KATNIP: variants seen among roughly 807,000 people sequenced by gnomAD.
KATNIP encodes the protein katanin-interacting protein.
Under a neutral mutation model 174.0 loss-of-function variants are expected in KATNIP, and 126 were observed. The observed-to-expected ratio is 0.72, with a 90% CI of 0.63 to 0.84. The LOEUF is 0.84. Among genes scored for constraint, KATNIP ranks in the 40% least tolerant of loss-of-function variants. KATNIP has a pLI of 0.00. For missense variants in KATNIP, 1,958 were observed against 2,109.7 expected, an observed-to-expected ratio of 0.93 and a Z score of 1.41; for synonymous variants, 810 against 835.7, an observed-to-expected ratio of 0.97 and a Z score of 0.53.
At chr16:27,747,603 T>A (rs1261377329) in intron 15 of KATNIP, among the ~76,000 whole-genome samples, 2 of 152,206 alleles carry the variant, frequency 1.3e-5, no homozygotes, top group Non-Finnish European at 2.9e-5. Context: ...CTTGGAAGGA[T>A]ACTGTCGGCA....
At position 27,573,899 on chromosome 16, in the gene KATNIP, A is replaced by C. The variant is rs754588335; in HGVS notation, c.8-2A>C. 1 of 1,614,162 alleles carries C rather than the reference A, an allele frequency of 6.2e-7. No homozygotes were observed. The highest frequency in any genetic ancestry group is 8.5e-7 in the Non-Finnish European group (1 of 1,179,998). On this transcript the variant is annotated splice_acceptor_variant, in intron 1 of 27. Transcript: ENST00000261588. LOFTEE classifies it high-confidence loss of function. ...CTTGGTTCTGCTTTTGAACTGCGAC[A>C]GGTCAGACTCTGCGAAAGGCCGAGA...
chr16:27,758,765 C>T (rs1482408918), intron 18 of KATNIP, among the ~76,000 whole-genome samples: 1 of 152,184 alleles, frequency 6.6e-6, no homozygotes, highest in Non-Finnish European at 1.5e-5. Context: ...CTCAGGGAGG[C>T]CCTCCCTGAC....
Position 27,721,614 on chromosome 16 carries a change from T to G in KATNIP, c.1662T>G (p.Phe554Leu). ...CCTTCCACCCACCACTCCAGCTGTT[T>G]TTTGTTATTCGAAACACAAGACAGC... The part of the protein sequence containing the change: ...TCPFHPPLQL[F>L]FVIRNTRQLG... The change falls in exon 14 of 28, where the codon TTT becomes TTG. Residue 554 changes from phenylalanine (F) to leucine (L), a missense_variant. Around this residue, in one of 3 missense-constraint regions of KATNIP, gnomAD observed 1,557 missense variants for 1,617.8 expected, o/e 0.96. Coordinates refer to ENST00000261588, the MANE Select transcript of KATNIP (RefSeq NM_015202.5). 4.3e-6 allele frequency: 7 copies of G among 1,614,208 alleles called. No homozygotes were observed. Among genetic ancestry groups the G allele is most frequent in the Non-Finnish European group, 5.9e-6 (7 of 1,180,034 alleles).
chr16:27,574,544 T>C (rs942644051), intron 2 of KATNIP, among the ~76,000 whole-genome samples: 29 of 148,488 alleles, frequency 2.0e-4, no homozygotes, highest in Admixed American at 6.1e-4. Flanking sequence ...GTGTCACTTC[T>C]ACCACTTTCT....
chr16:27,721,723 G>C (rs756561501), intron 14 of KATNIP, 28 bp downstream of exon 14: 1 of 1,610,116 alleles, frequency 6.2e-7, no homozygotes, highest in Admixed American at 1.7e-5. Flanking sequence ...GTTCCCCACT[G>C]GGCACTGGGT....
rs546380009 is a variant in KATNIP, at chr16:27,736,876, G to C, written c.1744-3165G>C. 1.4e-4 allele frequency among the ~76,000 whole-genome samples: 22 copies of C among 152,302 alleles called. No homozygotes were observed. The East Asian group carries it at 3.9e-3, about 27-fold the overall frequency. On this transcript the variant is annotated intron_variant, in intron 14 of 27. Coordinates refer to ENST00000261588, the MANE Select transcript of KATNIP (RefSeq NM_015202.5). ...TGGTGGTGTCTCTGGGGGAGACCCT[G>C]GTGGCCCAGGCAGCAGCACACGCGG...
chr16:27,717,769 C>A (rs1362399993), intron 13 of KATNIP, among the ~76,000 whole-genome samples: 1 of 152,106 alleles, frequency 6.6e-6, no homozygotes, highest in Non-Finnish European at 1.5e-5. Flanking sequence ...TTTGTGGCCT[C>A]CAGGGCCCGC....
intron 1 of KATNIP, among the ~76,000 whole-genome samples, chr16:27,558,546 A>T (rs1337577882): frequency 6.6e-6 from 1 of 152,246 alleles, no homozygotes; most frequent in East Asian, 1.9e-4. Context: ...ACATTTCAAC[A>T]TGGGAGTCCT....
At chr16:27,589,304 T>C (rs551420758) in intron 2 of KATNIP, among the ~76,000 whole-genome samples, 6 of 152,206 alleles carry the variant, frequency 3.9e-5, no homozygotes, top group Non-Finnish European at 7.3e-5. Flanking sequence ...AACAAACTTT[T>C]TTCTGTAAAG....
chr16:27,776,868 C>T lies in KATNIP; in HGVS notation c.4450-60C>T. Reference sequence around the variant, plus strand: ...CCCAGCCCACGCCTGGCACCCCCAGCCCAGCCAAGCGCCTCTGTTTCCAAA... The same window carrying T: ...CCCAGCCCACGCCTGGCACCCCCAGTCCAGCCAAGCGCCTCTGTTTCCAAA... On this transcript the variant is annotated intron_variant, in intron 24 of 27. Coordinates refer to ENST00000261588, the MANE Select transcript of KATNIP (RefSeq NM_015202.5). This position sits in a 1 kb window ranked among gnomAD's most constrained non-coding sequence, Gnocchi z 4.7. 1 of 1,280,084 alleles carries T rather than the reference C, an allele frequency of 7.8e-7. No individual in the cohort carries two copies. Among genetic ancestry groups the T allele is most frequent in the Non-Finnish European group, 1.1e-6 (1 of 879,200 alleles). The allele number at this position is 1,280,084 out of a possible 1,614,324, so 79.3% of individuals were successfully genotyped here.
intron 5 of KATNIP, among the ~76,000 whole-genome samples, chr16:27,641,394 C>T (rs1435740496): frequency 6.6e-6 from 1 of 152,080 alleles, no homozygotes; most frequent in Non-Finnish European, 1.5e-5. Flanking sequence ...ACCCTGCTAC[C>T]ACATCTCTTC....
rs145220105 is a variant in KATNIP, at chr16:27,582,666, T to C, written c.63+8710T>C. 3.2e-4 allele frequency among the ~76,000 whole-genome samples: 48 copies of C among 152,316 alleles called. 1 individual carries two copies. Among genetic ancestry groups the C allele is most frequent in the African/African-American group, 8.7e-4 (36 of 41,566 alleles). On this transcript the variant is annotated intron_variant, in intron 2 of 27. Coordinates refer to ENST00000261588, the MANE Select transcript of KATNIP (RefSeq NM_015202.5). ...AGCGTGGATTCCTAGGCTAGTTCTA[T>C]CACTCAGGCAAGTGACTTACCTTTT... is the stretch of plus-strand genomic sequence containing the variant.
At chr16:27,624,451 G>T (rs1208246064) in intron 3 of KATNIP, among the ~76,000 whole-genome samples, 3 of 152,158 alleles carry the variant, frequency 2.0e-5, no homozygotes, top group African/African-American at 7.2e-5. Flanking sequence ...GTGAATAGTA[G>T]CTGTGAGCAC....
chr16:27,641,981 G>A (rs986545166), intron 5 of KATNIP, among the ~76,000 whole-genome samples: 1 of 152,216 alleles, frequency 6.6e-6, no homozygotes, highest in African/African-American at 2.4e-5. Flanking sequence ...GCCCCTTCTC[G>A]AGCCATCTCT....
rs558787696 is a variant in KATNIP, at chr16:27,739,987, C to T, written c.1744-54C>T. 14 of 1,531,442 alleles carry T rather than the reference C, an allele frequency of 9.1e-6. No individual in the cohort carries two copies. The African/African-American group carries it at 1.8e-4, about 20-fold the overall frequency. The allele number at this position is 1,531,442 out of a possible 1,614,324, so 94.9% of individuals were successfully genotyped here. A position where few individuals can be genotyped will look rare whatever the true frequency, so the allele number is the denominator to read the frequency against. On this transcript the variant is annotated intron_variant, in intron 14 of 27. Coordinates refer to ENST00000261588, the MANE Select transcript of KATNIP (RefSeq NM_015202.5). ...TTGGTATCTTCGACTTCCAAAATTTCATACATCAGTCTGATGCTATGCATC... is the reference window on the plus strand; with the variant it reads ...TTGGTATCTTCGACTTCCAAAATTTTATACATCAGTCTGATGCTATGCATC...
At chr16:27,657,135 T>C (rs955021614) in intron 6 of KATNIP, among the ~76,000 whole-genome samples, 2 of 152,120 alleles carry the variant, frequency 1.3e-5, no homozygotes, top group Admixed American at 1.3e-4. Flanking sequence ...TGTAAGAGAA[T>C]GTCCTTGTTC....
chr16:27,598,613 A>G (rs1440990327), intron 2 of KATNIP, among the ~76,000 whole-genome samples: 1 of 152,200 alleles, frequency 6.6e-6, no homozygotes, highest in Non-Finnish European at 1.5e-5. Flanking sequence ...GGACCACTGT[A>G]GGAAATCCTG....
chr16:27,550,954 G>T lies in KATNIP; in HGVS notation c.7+777G>T, dbSNP rs186314836. 5.4e-3 allele frequency among the ~76,000 whole-genome samples: 817 copies of T among 152,290 alleles called. 4 individuals are homozygous for T. The highest frequency in any genetic ancestry group is 0.019 in the African/African-American group (788 of 41,550). ...GGAGAGTCTAGTGAGCCGGATTGAG[G>T]CTGTAACTGAAAATCAATTCCTCAC... On this transcript the variant is annotated intron_variant, in intron 1 of 27. Coordinates refer to ENST00000261588, the MANE Select transcript of KATNIP (RefSeq NM_015202.5).
chr16:27,716,286 G>A (rs2079933986), intron 13 of KATNIP, among the ~76,000 whole-genome samples: 1 of 152,216 alleles, frequency 6.6e-6, no homozygotes. Flanking sequence ...ATTAGTCATT[G>A]CCAGGGGCTG....
Sources: allele counts gnomAD v4.1 joint callset (sites outside exome capture counted in the v4.1 genomes callset), GRCh38; gene constraint gnomAD v4.1.1; regional missense constraint gnomAD v4.1.1; non-coding constraint Gnocchi (gnomAD v3.1); transcripts MANE v1.5; gene names NCBI Gene and HGNC (gene_info 2026-07-23, HGNC 2026-07-21).